The following PLSCR2 variants were observed in gnomAD, a reference collection of about 807,000 sequenced individuals.
The protein encoded by PLSCR2 is PL scramblase 2.
Under a neutral mutation model 25.3 loss-of-function variants are expected in PLSCR2, and 18 were observed. The observed-to-expected ratio is 0.71, with a 90% CI of 0.49 to 1.06. The LOEUF is 1.06. PLSCR2 is among the 50% of genes least tolerant of loss of function. The pLI is 0.00. For synonymous variants in PLSCR2, 88 were observed against 87.3 expected (o/e 1.01, Z -0.04); for missense variants, 243 against 269.5 (o/e 0.90, Z 0.69).
chr3:146,423,282 T>TCTCTCTCTCTCTCTCA (rs758576585), intron 2 of PLSCR2, among the ~76,000 whole-genome samples: 1 of 100,962 alleles, frequency 9.9e-6, no homozygotes. Context: ...TCTCTCTCTC[T>TCTCTCTCTCTCTCTCA]CCCTGGCTAG....
upstream of PLSCR2, among the ~76,000 whole-genome samples, chr3:146,462,508 A>G (rs1208112159): frequency 6.7e-6 from 1 of 150,312 alleles, no homozygotes; most frequent in Non-Finnish European, 1.5e-5. Context: ...TCTGTCACCA[A>G]GCTGGAGTGT....
chr3:146,469,783 C>A (rs548851543), intron 1 of PLSCR2, among the ~76,000 whole-genome samples: 13 of 103,876 alleles, frequency 1.3e-4, no homozygotes, highest in Non-Finnish European at 2.3e-4. Flanking sequence ...TGCACCCACC[C>A]CCCCACGCCG....
downstream of PLSCR2, among the ~76,000 whole-genome samples, chr3:146,438,618 A>G (rs948678177): frequency 4.0e-5 from 6 of 151,530 alleles, no homozygotes; most frequent in Admixed American, 3.3e-4. Context: ...TTTGTTTTCC[A>G]TTTGCTTGGT....
In PLSCR2 at chr3:146,415,973, CAG is replaced by C. The variant is rs1187701945; in HGVS notation, c.101-20054_101-20053del. On this transcript the variant is annotated intron_variant and NMD_transcript_variant, in intron 2 of 3. Coordinates refer to the PLSCR2 transcript ENST00000463633. ...TATTTATTTTATTTTATTTTTGAGACAGAGTCTAGCTCTGTCACCCAGGTTGG... is the reference window on the plus strand; with the variant it reads ...TATTTATTTTATTTTATTTTTGAGACAGTCTAGCTCTGTCACCCAGGTTGG... Among the ~76,000 whole-genome samples the C allele has an allele frequency of 2.6e-5, 4 of 151,924 alleles. No individual in the cohort carries two copies. The South Asian group carries it at 6.2e-4, about 24-fold the overall frequency.
At chr3:146,447,330 T>C (rs1029749555) in intron 6 of PLSCR2, among the ~76,000 whole-genome samples, 1 of 152,040 alleles carries the variant, frequency 6.6e-6, no homozygotes, top group Non-Finnish European at 1.5e-5. Context: ...GTCTCAAGAG[T>C]TTCCCCTAAT....
At chr3:146,462,122 T>C (rs1404744211), upstream of PLSCR2, among the ~76,000 whole-genome samples, 2 of 152,138 alleles carry the variant, frequency 1.3e-5, no homozygotes, top group Non-Finnish European at 2.9e-5. Context: ...CCAATACAAC[T>C]GTTGGAACAA....
intron 8 of PLSCR2, among the ~76,000 whole-genome samples, chr3:146,434,148 A>G (rs1403642): frequency 0.58 from 87,506 of 151,802 alleles, 25,654 homozygotes; most frequent in South Asian, 0.76. Flanking sequence ...GAACGTTATT[A>G]AAAATGAGAT....
At chr3:146,469,252 C>T in intron 1 of PLSCR2, 1 of 985,624 alleles carries the variant, frequency 1.0e-6, no homozygotes, top group Non-Finnish European at 1.2e-6. Flanking sequence ...CTGAGCCCCG[C>T]AAGGCGTTTT....
At position 146,476,401 on chromosome 3, in the gene PLSCR2, G is replaced by A. The variant is rs148921354; in HGVS notation, c.-292-16117C>T. ...GATCTGTGCAACCCATGGATCATGA[G>A]ATCCCACTTGTGAGCCCATGCTACC... On this transcript the variant is annotated intron_variant, in intron 1 of 8. Coordinates refer to the PLSCR2 transcript ENST00000336685. Among the ~76,000 whole-genome samples the A allele has an allele frequency of 2.4e-4, 36 of 152,316 alleles. No individual in the cohort carries two copies. The East Asian group carries it at 4.8e-3, about 20-fold the overall frequency.
chr3:146,458,080 A>G (rs966862952), intron 3 of PLSCR2, among the ~76,000 whole-genome samples: 5 of 152,224 alleles, frequency 3.3e-5, no homozygotes, highest in Non-Finnish European at 7.3e-5. Flanking sequence ...GAGTTGTTAC[A>G]TTGTACTGCT....
intron 1 of PLSCR2, among the ~76,000 whole-genome samples, chr3:146,490,142 GTAGT>G (rs996651200): frequency 8.5e-5 from 13 of 152,200 alleles, no homozygotes; most frequent in Admixed American, 8.5e-4. Context: ...AACTGGAAAA[GTAGT>G]TAGTGCTCCC....
At chr3:146,434,412 G>A (rs941488060) in intron 8 of PLSCR2, among the ~76,000 whole-genome samples, 10 of 151,962 alleles carry the variant, frequency 6.6e-5, no homozygotes, top group Non-Finnish European at 8.8e-5. Context: ...ACTTGGAATC[G>A]TACAAAATTT....
At chr3:146,440,425 AG>A, downstream of PLSCR2, among the ~76,000 whole-genome samples, 1 of 152,322 alleles carries the variant, frequency 6.6e-6, no homozygotes, top group South Asian at 2.1e-4. Context: ...GGCTCCACCC[AG>A]TTTGAGCTTC....
chr3:146,483,509 A>ATATACACGTGTAT (rs1553791539), intron 1 of PLSCR2, among the ~76,000 whole-genome samples: 1 of 127,072 alleles, frequency 7.9e-6, no homozygotes, highest in Admixed American at 7.9e-5. Context: ...ATATATATAT[A>ATATACACGTGTAT]ATGTTACTAC....
In PLSCR2 at chr3:146,458,454, C is replaced by G. The variant is rs143271186; in HGVS notation, c.58-1G>C. On this transcript the variant is annotated splice_acceptor_variant, in intron 2 of 6. Coordinates refer to ENST00000610787, the Ensembl canonical transcript of PLSCR2. LOFTEE classifies it high-confidence loss of function. ...GCTGATGAATTAGTATCATATCTAT[C>G]TATTATAGTAAAAAGAAAATGAAGT... 1.3e-3 allele frequency: 1,920 copies of G among 1,454,170 alleles called. 31 individuals carry two copies. Among genetic ancestry groups the G allele is most frequent in the Non-Finnish European group, 1.2e-4 (129 of 1,076,406 alleles). 90.1% of individuals were successfully genotyped at this position (1,454,170 alleles called of 1,614,324 possible).
chr3:146,493,095 A>T (rs1430880293), intron 1 of PLSCR2, among the ~76,000 whole-genome samples: 1 of 152,174 alleles, frequency 6.6e-6, no homozygotes, highest in Non-Finnish European at 1.5e-5. Context: ...TGACCTCCCA[A>T]CATTAAACCA....
chr3:146,483,481 A>ATATG (rs1560055015), intron 1 of PLSCR2, among the ~76,000 whole-genome samples: 1 of 73,176 alleles, frequency 1.4e-5, no homozygotes, highest in East Asian at 3.1e-4. Flanking sequence ...ATACATGTGT[A>ATATG]TATATATATA....
intron 2 of PLSCR2, among the ~76,000 whole-genome samples, chr3:146,396,378 T>C (rs777201206): frequency 1.3e-5 from 2 of 152,122 alleles, no homozygotes; most frequent in African/African-American, 2.4e-5. Context: ...TACCAACTCA[T>C]ACTAATTCCT....
At chr3:146,442,419 T>C (rs1306456791) in intron 6 of PLSCR2, among the ~76,000 whole-genome samples, 1 of 152,010 alleles carries the variant, frequency 6.6e-6, no homozygotes, top group Non-Finnish European at 1.5e-5. Flanking sequence ...GTCATCTCTC[T>C]CAAAATACCA....
Sources: allele counts gnomAD v4.1 joint callset (sites outside exome capture counted in the v4.1 genomes callset), GRCh38; gene constraint gnomAD v4.1.1; transcripts MANE v1.5; gene names NCBI Gene and HGNC (gene_info 2026-07-23, HGNC 2026-07-21).